Variants in USP40 observed in about 807,000 individuals in gnomAD.
USP40 encodes the protein ubiquitin carboxyl-terminal hydrolase 40.
USP40 carries 143 observed loss-of-function variants against 166.2 expected under a neutral mutation model. That is an observed-to-expected ratio of 0.86 (90% CI 0.75 to 0.99). USP40 has a LOEUF of 0.99. USP40 is among the 50% of genes least tolerant of loss of function. USP40 has a pLI of 0.00. For synonymous variants in USP40, 498 were observed against 524.0 expected, an observed-to-expected ratio of 0.95 and a Z score of 0.68; for missense variants, 1,444 against 1,479.7, an observed-to-expected ratio of 0.98 and a Z score of 0.40.
chr2:233,493,318 G>T lies in USP40; in HGVS notation c.2917+107C>A. 1.4e-6 allele frequency: 2 copies of T among 1,470,276 alleles called. No homozygotes were observed. Among genetic ancestry groups the T allele is most frequent in the Non-Finnish European group, 1.9e-6 (2 of 1,073,762 alleles). The allele number at this position is 1,470,276 out of a possible 1,614,324, so 91.1% of individuals were successfully genotyped here. A position where few individuals can be genotyped will look rare whatever the true frequency, so the allele number is the denominator to read the frequency against. On this transcript the variant is annotated intron_variant, in intron 25 of 31. Transcript: ENST00000678225. The surrounding 1 kb of genome is among the most constrained non-coding windows in gnomAD (Gnocchi z 4.7). ...GAAATTAATAGGTCTTGATTTTCAA[G>T]ATCTTACGTTTTAAAAATAAATATA...
intron 14 of USP40, 54 bp downstream of exon 14, chr2:233,525,424 G>T: frequency 1.4e-6 from 2 of 1,407,150 alleles, no homozygotes; most frequent in Non-Finnish European, 2.0e-6. Context: ...CAGGTGAGCC[G>T]GACAAAAATG....
intron 6 of USP40, among the ~76,000 whole-genome samples, chr2:233,553,289 C>G (rs1312728545): frequency 2.0e-5 from 3 of 151,934 alleles, no homozygotes; most frequent in African/African-American, 7.3e-5. Flanking sequence ...AGTGAGAAAT[C>G]ACAGAGAATT....
At chr2:233,530,406 CAATT>C (rs2068428464) in intron 11 of USP40, among the ~76,000 whole-genome samples, 3 of 152,100 alleles carry the variant, frequency 2.0e-5, no homozygotes. Context: ...AGGTGATTTC[CAATT>C]AATCACTATT....
chr2:233,556,747 C>A, intron 5 of USP40, 108 bp downstream of exon 5: 1 of 1,066,122 alleles, frequency 9.4e-7, no homozygotes, highest in South Asian at 2.8e-5. Context: ...CAATAAATTA[C>A]TTTTAGTAAT....
At chr2:233,542,663 G>T in intron 8 of USP40, 1 of 218,454 alleles carries the variant, frequency 4.6e-6, no homozygotes. Flanking sequence ...GGATGACACA[G>T]AGCAAGACGT....
At chr2:233,543,036 G>A (rs969051893) in intron 8 of USP40, among the ~76,000 whole-genome samples, 1 of 152,126 alleles carries the variant, frequency 6.6e-6, no homozygotes, top group African/African-American at 2.4e-5. Context: ...CATCTTTGCA[G>A]GCCAGGCTCA....
In USP40 at chr2:233,493,677, A is replaced by G. The variant is rs529952103; in HGVS notation, c.2791-126T>C. Reference sequence around the variant, plus strand: ...TTGAACTTATCATTTTTCCTTTTAGATTTATTAACTGTCATAAATTATACT... The same window carrying G: ...TTGAACTTATCATTTTTCCTTTTAGGTTTATTAACTGTCATAAATTATACT... On this transcript the variant is annotated intron_variant, in intron 24 of 31. Coordinates refer to ENST00000678225, the MANE Select transcript of USP40 (RefSeq NM_001365479.2). This position sits in a 1 kb window ranked among gnomAD's most constrained non-coding sequence, Gnocchi z 4.7. The G allele has an allele frequency of 3.5e-6, 4 of 1,144,872 alleles. No homozygotes were observed. The East Asian group carries it at 1.0e-4, about 30-fold the overall frequency. 70.9% of individuals were successfully genotyped at this position (1,144,872 alleles called of 1,614,324 possible).
At chr2:233,519,566 C>G (rs1028153764) in intron 18 of USP40, 48 bp downstream of exon 18, 2 of 1,304,548 alleles carry the variant, frequency 1.5e-6, no homozygotes, top group Non-Finnish European at 2.1e-6. Flanking sequence ...CAATTCAAGA[C>G]CAAAATTAAG....
intron 30 of USP40, among the ~76,000 whole-genome samples, chr2:233,483,573 A>G (rs2064762833): frequency 6.6e-6 from 1 of 152,214 alleles, no homozygotes. Context: ...TGGTTTTCAC[A>G]TTTAAGTCTT....
chr2:233,565,909 T>C (rs1267686800), intron 1 of USP40, among the ~76,000 whole-genome samples: 2 of 152,142 alleles, frequency 1.3e-5, no homozygotes, highest in African/African-American at 4.8e-5. Context: ...ACAGCTGTTT[T>C]TAAAAAGGCA....
intron 22 of USP40, among the ~76,000 whole-genome samples, chr2:233,499,573 G>T (rs1041630128): frequency 2.6e-5 from 4 of 152,134 alleles, no homozygotes; most frequent in African/African-American, 9.7e-5. Flanking sequence ...AGGTCTTTGA[G>T]GAGTTGCCAC....
intron 30 of USP40, among the ~76,000 whole-genome samples, chr2:233,482,284 A>C (rs1457573797): frequency 6.6e-6 from 1 of 151,870 alleles, no homozygotes; most frequent in Admixed American, 6.6e-5. Flanking sequence ...GAGTCACTTG[A>C]ACTCGGGAGG....
rs1376725451 is a variant in USP40 at position 233,496,823 on chromosome 2, G to C, written c.2725C>G (p.Leu909Val). The C allele has an allele frequency of 6.2e-7, 1 of 1,612,198 alleles. No homozygotes were observed. The highest frequency in any genetic ancestry group is 8.5e-7 in the Non-Finnish European group (1 of 1,179,214). ...CCAGAACATATCAGAAGTTCTTTCA[G>C]TGTTGCATCCTGGGAAGACAAAAAT... The part of the protein sequence containing the change: ...GEPLCEEDAT[L>V]KELLICSGDT... The change falls in exon 24 of 32, where the codon CTG (leucine) becomes GTG (valine). Residue 909 changes from leucine to valine, a missense_variant. By Grantham distance (32) the Leu-to-Val change is conservative (BLOSUM62 1). Transcript: ENST00000678225.
chr2:233,562,507 T>C (rs866599352), intron 3 of USP40, among the ~76,000 whole-genome samples: 47 of 147,096 alleles, frequency 3.2e-4, no homozygotes, highest in Admixed American at 7.1e-4. Context: ...TAGGTGGGAA[T>C]TGAACAATGA....
chr2:233,552,810 G>A (rs2070698723), intron 6 of USP40, among the ~76,000 whole-genome samples: 1 of 152,260 alleles, frequency 6.6e-6, no homozygotes, highest in East Asian at 1.9e-4. Flanking sequence ...TCAGTATTGT[G>A]TATTATCTAA....
chr2:233,520,546 A>G (rs2067580541), intron 17 of USP40, among the ~76,000 whole-genome samples: 1 of 152,188 alleles, frequency 6.6e-6, no homozygotes, highest in Non-Finnish European at 1.5e-5. Context: ...TCCTTTTAAG[A>G]ACACCTGGCT....
At chr2:233,526,666 G>A (rs527869917) in intron 13 of USP40, among the ~76,000 whole-genome samples, 1 of 152,242 alleles carries the variant, frequency 6.6e-6, no homozygotes, top group Non-Finnish European at 1.5e-5. Context: ...TCAGAAAGTA[G>A]TGTGGAGCAG....
chr2:233,498,632 G>A lies in USP40; in HGVS notation c.2651-20C>T. 6.2e-7 allele frequency: 1 copy of A among 1,607,580 alleles called. No individual in the cohort carries two copies. ...CATCTCCTATAAAGGAGTCAAAATT[G>A]GGATAAAAAAAATTCAAAGTTAGGT... On this transcript the variant is annotated intron_variant, in intron 22 of 31. Coordinates refer to ENST00000678225, the MANE Select transcript of USP40 (RefSeq NM_001365479.2).
At chr2:233,514,259 G>A (rs2067026477) in intron 18 of USP40, among the ~76,000 whole-genome samples, 1 of 152,182 alleles carries the variant, frequency 6.6e-6, no homozygotes, top group African/African-American at 2.4e-5. Flanking sequence ...GGCAGCTACA[G>A]TGATAAATGC....
Sources: allele counts gnomAD v4.1 joint callset (sites outside exome capture counted in the v4.1 genomes callset), GRCh38; gene constraint gnomAD v4.1.1; non-coding constraint Gnocchi (gnomAD v3.1); transcripts MANE v1.5; gene names NCBI Gene and HGNC (gene_info 2026-07-23, HGNC 2026-07-21).